The following KIAA0825 variants were observed in gnomAD, a reference collection of about 807,000 sequenced individuals.
KIAA0825 encodes uncharacterized protein KIAA0825.
Under a neutral mutation model 147.6 loss-of-function variants are expected in KIAA0825, and 119 were observed. The observed-to-expected ratio is 0.81, with a 90% confidence interval of 0.69 to 0.94. KIAA0825 has a LOEUF of 0.94. KIAA0825 is among the 40% of genes least tolerant of loss of function. KIAA0825 has a pLI of 0.00. For synonymous variants in KIAA0825, 470 were observed against 518.1 expected, an observed-to-expected ratio of 0.91 and a Z score of 1.26; for missense variants, 1,381 against 1,472.7, an observed-to-expected ratio of 0.94 and a Z score of 1.02.
intron 20 of KIAA0825, among the ~76,000 whole-genome samples, chr5:94,213,493 A>G (rs528536554): frequency 6.6e-6 from 1 of 152,226 alleles, no homozygotes; most frequent in East Asian, 1.9e-4. Flanking sequence ...TTATTTTACT[A>G]TCTAAAACCT....
At chr5:94,486,969 T>C (rs1437156378) in intron 5 of KIAA0825, among the ~76,000 whole-genome samples, 1 of 152,188 alleles carries the variant, frequency 6.6e-6, no homozygotes, top group East Asian at 1.9e-4. Flanking sequence ...GTTTAAGAAG[T>C]CTTTATCTGG....
intron 20 of KIAA0825, among the ~76,000 whole-genome samples, chr5:94,192,940 C>T (rs1770806436): frequency 6.6e-6 from 1 of 152,164 alleles, no homozygotes; most frequent in African/African-American, 2.4e-5. Context: ...TTCTCACTTC[C>T]TCTCCCCAAT....
At chr5:94,356,006 G>T (rs1247735125) in intron 20 of KIAA0825, among the ~76,000 whole-genome samples, 1 of 152,176 alleles carries the variant, frequency 6.6e-6, no homozygotes, top group African/African-American at 2.4e-5. Context: ...TTGGGAAGCA[G>T]ATTTTCATTC....
intron 1 of KIAA0825, among the ~76,000 whole-genome samples, chr5:94,609,844 A>G (rs1272709803): frequency 6.6e-6 from 1 of 152,024 alleles, no homozygotes; most frequent in Non-Finnish European, 1.5e-5. Flanking sequence ...CAACATAGAA[A>G]CAGAGCCTAG....
chr5:94,314,962 G>GCT (rs1399716914), intron 20 of KIAA0825, among the ~76,000 whole-genome samples: 2 of 151,484 alleles, frequency 1.3e-5, no homozygotes, highest in African/African-American at 2.4e-5. Flanking sequence ...AGTTGACGTT[G>GCT]CTCTCTCTCT....
chr5:94,591,934 C>A (rs1784425145), intron 1 of KIAA0825, among the ~76,000 whole-genome samples: 1 of 152,118 alleles, frequency 6.6e-6, no homozygotes, highest in African/African-American at 2.4e-5. Flanking sequence ...ATCATGAGAA[C>A]AGCATGGGAA....
At position 94,164,556 on chromosome 5, in the gene KIAA0825, C is replaced by T. The variant is rs376296567; in HGVS notation, c.3711-10432G>A. Among the ~76,000 whole-genome samples the T allele has an allele frequency of 1.6e-3, 247 of 152,014 alleles. 1 individual carries two copies. Among genetic ancestry groups the T allele is most frequent in the African/African-American group, 4.9e-3 (202 of 41,472 alleles). ...TTTCCTGAGTAGCTGGGACTACAGA[C>T]GCGTGCCACCACGTCCGGCTAATTT... On this transcript the variant is annotated intron_variant, in intron 20 of 20. Coordinates refer to ENST00000682413, the MANE Select transcript of KIAA0825 (RefSeq NM_001145678.3).
At chr5:94,519,791 T>C in intron 5 of KIAA0825, 1 of 818,368 alleles carries the variant, frequency 1.2e-6, no homozygotes, top group Non-Finnish European at 1.5e-6. Context: ...CTTTGGAAGA[T>C]ACAATGGATT....
intron 19 of KIAA0825, 85 bp downstream of exon 19, chr5:94,386,155 TGA>T: frequency 6.7e-6 from 8 of 1,194,816 alleles, no homozygotes; most frequent in Non-Finnish European, 9.3e-6. Flanking sequence ...AATAAGCTTA[TGA>T]GTAAATACTC....
At chr5:94,416,168 T>A (rs538156613) in intron 15 of KIAA0825, 150 of 152,268 alleles carry the variant, frequency 9.9e-4, no homozygotes, top group African/African-American at 3.4e-3. Flanking sequence ...TAAAAAGAGA[T>A]CATTATTACA....
chr5:94,550,773 C>T (rs1279207445), intron 2 of KIAA0825, among the ~76,000 whole-genome samples: 5 of 149,790 alleles, frequency 3.3e-5, no homozygotes, highest in African/African-American at 4.9e-5. Flanking sequence ...GCCCGGGAGG[C>T]GGAGCTTGCA....
At chr5:94,378,628 G>C (rs764772703) in intron 20 of KIAA0825, among the ~76,000 whole-genome samples, 18 of 152,226 alleles carry the variant, frequency 1.2e-4, no homozygotes, top group Non-Finnish European at 2.5e-4. Context: ...ACCCAGTAAT[G>C]GGATTGCTGA....
At chr5:94,504,746 C>CTTTTTTTT (rs564291886) in intron 5 of KIAA0825, among the ~76,000 whole-genome samples, 3 of 122,980 alleles carry the variant, frequency 2.4e-5, no homozygotes, top group Non-Finnish European at 5.2e-5. Context: ...TTTTTCTTTT[C>CTTTTTTTT]TTTTTTTTTT....
chr5:94,573,554 G>C (rs1780385121), intron 2 of KIAA0825, among the ~76,000 whole-genome samples: 1 of 152,196 alleles, frequency 6.6e-6, no homozygotes, highest in Non-Finnish European at 1.5e-5. Context: ...TTACAGGTGT[G>C]AGCCACCAGG....
chr5:94,156,371 G>A (rs1256284614), intron 20 of KIAA0825, among the ~76,000 whole-genome samples: 1 of 152,100 alleles, frequency 6.6e-6, no homozygotes, highest in African/African-American at 2.4e-5. Context: ...AACCATCTAA[G>A]GATCATATAA....
chr5:94,200,146 G>C (rs1304415512), intron 20 of KIAA0825, among the ~76,000 whole-genome samples: 1 of 152,302 alleles, frequency 6.6e-6, no homozygotes, highest in African/African-American at 2.4e-5. Context: ...GCAAACTGGA[G>C]TTCTGTCTCT....
In KIAA0825 at chr5:94,544,810, T is replaced by C. The variant is rs187007852; in HGVS notation, c.-1-7683A>G. On this transcript the variant is annotated intron_variant, in intron 2 of 20. Transcript: ENST00000682413. ...AGGAAGGCAGAGCAAGAAGGCTGAA[T>C]AGAAGATGTCACCAAGGGTTCTCCG... Among the ~76,000 whole-genome samples, 61 of 152,286 alleles carry C rather than the reference T, an allele frequency of 4.0e-4. No individual in the cohort carries two copies. In the East Asian group the frequency reaches 7.1e-3, roughly 18 times the overall value.
At chr5:94,523,034 G>C (rs574519814) in intron 4 of KIAA0825, among the ~76,000 whole-genome samples, 55 of 151,726 alleles carry the variant, frequency 3.6e-4, no homozygotes, top group African/African-American at 1.2e-3. Context: ...TAAGGCTTCA[G>C]GGCACACAGT....
intron 20 of KIAA0825, among the ~76,000 whole-genome samples, chr5:94,212,044 C>A (rs1438423963): frequency 1.3e-5 from 2 of 152,134 alleles, no homozygotes; most frequent in Non-Finnish European, 2.9e-5. Flanking sequence ...CTGCCTTAAT[C>A]TATGCTATTT....
Sources: gnomAD v4.1 joint callset for allele counts (sites outside exome capture counted in the v4.1 genomes callset) on GRCh38, gnomAD v4.1.1 for gene constraint, MANE v1.5 for transcripts, NCBI Gene and HGNC (gene_info 2026-07-23, HGNC 2026-07-21) for gene names.